The following EPC1 variants were observed in gnomAD, a reference collection of about 807,000 sequenced individuals.
The protein encoded by EPC1 is enhancer of polycomb homolog 1.
In EPC1, 12 loss-of-function variants were observed where a neutral mutation model predicts 98.4. The ratio of observed to expected loss-of-function variants is 0.12; its 90% CI spans 0.08 to 0.20. EPC1 has a LOEUF of 0.20. EPC1 is among the 10% of genes least tolerant of loss of function. EPC1 has a pLI of 1.00. For missense variants in EPC1, 729 were observed against 990.5 expected (o/e 0.74, Z 3.54); for synonymous variants, 357 against 363.9 (o/e 0.98, Z 0.21).
At chr10:32,366,458 A>G (rs1839607023) in intron 1 of EPC1, among the ~76,000 whole-genome samples, 1 of 152,194 alleles carries the variant, frequency 6.6e-6, no homozygotes, top group Admixed American at 6.5e-5. Flanking sequence ...TTTTTCATGA[A>G]GTTACCTTAC....
chr10:32,357,223 A>C (rs955431114), intron 1 of EPC1, among the ~76,000 whole-genome samples: 3 of 152,144 alleles, frequency 2.0e-5, no homozygotes, highest in Non-Finnish European at 2.9e-5. Flanking sequence ...GAAACCAAAG[A>C]CCTACATGAC....
At chr10:32,354,835 A>T (rs1210520695) in intron 1 of EPC1, among the ~76,000 whole-genome samples, 1 of 152,066 alleles carries the variant, frequency 6.6e-6, no homozygotes, top group Non-Finnish European at 1.5e-5. Flanking sequence ...CTCAAGCCTT[A>T]TTCTGAGCTG....
At chr10:32,290,328 CAA>C (rs915992444) in intron 6 of EPC1, among the ~76,000 whole-genome samples, 1 of 151,408 alleles carries the variant, frequency 6.6e-6, no homozygotes, top group Non-Finnish European at 1.5e-5. Flanking sequence ...ACTAAAAATA[CAA>C]AAATTAGCCC....
chr10:32,346,087 G>T (rs558988637), intron 1 of EPC1, among the ~76,000 whole-genome samples: 1 of 152,232 alleles, frequency 6.6e-6, no homozygotes. Context: ...GACACTGAAA[G>T]TAAGTCTTAT....
At position 32,273,294 on chromosome 10, in the gene EPC1, TAAAG is replaced by T. The variant is rs755616855; in HGVS notation, c.1745-17_1745-14del. 2 of 1,612,824 alleles carry T rather than the reference TAAAG, an allele frequency of 1.2e-6. No homozygotes were observed. Among genetic ancestry groups the T allele is most frequent in the Admixed American group, 1.7e-5 (1 of 59,844 alleles). On this transcript the variant is annotated splice_polypyrimidine_tract_variant and intron_variant, in intron 10 of 13. Transcript: ENST00000319778. ...TCGGCTGTAAATGCTGAACATAAAA[TAAAG>T]AAACACTTTATAAAAATGCCCAGCT...
At chr10:32,337,473 T>C (rs1485126889) in intron 1 of EPC1, among the ~76,000 whole-genome samples, 1 of 152,180 alleles carries the variant, frequency 6.6e-6, no homozygotes, top group Admixed American at 6.5e-5. Flanking sequence ...GCCCTGGTAC[T>C]CTGCTCCAAA....
In EPC1 at chr10:32,286,730, A is replaced by G; in HGVS notation, c.1355T>C (p.Ile452Thr). 4 of 1,614,152 alleles carry G rather than the reference A, an allele frequency of 2.5e-6. No individual in the cohort carries two copies. The highest frequency in any genetic ancestry group is 2.2e-5 in the East Asian group (1 of 44,882). ...CCCAACCCGTCTTCGTGCAAATCCA[A>G]TACACCTTTGGGGTACGGTGAGAGT... ...LTTLTVPQRC[I>T]GFARRRVGRG... Residue 452 changes from isoleucine (I) to threonine (T), a missense_variant, in exon 9 of 14, where the codon ATT (isoleucine) becomes ACT (threonine). Physicochemically the swap from Ile to Thr is moderately conservative, Grantham distance 89. Around this residue, in one of 6 missense-constraint regions of EPC1, gnomAD observed 390 missense variants for 438.6 expected, o/e 0.89. Coordinates refer to ENST00000319778, the MANE Select transcript of EPC1 (RefSeq NM_001272004.3).
rs531018196 is a variant in EPC1 at position 32,347,013 on chromosome 10, C to A, written c.-98G>T. ...TCGGTCCCCACTCGCCAACCGCTGC[C>A]GGGGACTTGAGGGGCGGAGCGCAGA... is the stretch of plus-strand genomic sequence containing the variant. On this transcript the variant is annotated 5_prime_UTR_variant, in exon 1 of 14. Transcript: ENST00000319778. The A allele has an allele frequency of 1.3e-6, 2 of 1,529,086 alleles. No homozygotes were observed. Among genetic ancestry groups the A allele is most frequent in the South Asian group, 1.2e-5 (1 of 81,044 alleles). 94.7% of individuals were successfully genotyped at this position (1,529,086 alleles called of 1,614,324 possible).
intron 5 of EPC1, chr10:32,291,977 T>G (rs1445813690): frequency 6.6e-6 from 1 of 152,166 alleles, no homozygotes; most frequent in Non-Finnish European, 1.5e-5. Flanking sequence ...TTCTGCTAAT[T>G]AGAATTGCCT....
At chr10:32,323,541 G>C (rs147260324) in intron 1 of EPC1, among the ~76,000 whole-genome samples, 1 of 152,146 alleles carries the variant, frequency 6.6e-6, no homozygotes, top group Non-Finnish European at 1.5e-5. Context: ...AAATAGGAAG[G>C]TATCTAAGTA....
At chr10:32,370,523 T>C (rs60465478) in intron 1 of EPC1, among the ~76,000 whole-genome samples, 7,528 of 152,252 alleles carry the variant, frequency 0.049, 625 homozygotes, top group African/African-American at 0.17. Context: ...GGGTAGGGCA[T>C]AGACATTTTG....
Position 32,346,965 on chromosome 10 carries a change from C to T in EPC1, c.-50G>A, listed in dbSNP as rs1838877145. 1 of 1,601,152 alleles carries T rather than the reference C, an allele frequency of 6.2e-7. No homozygotes were observed. The highest frequency in any genetic ancestry group is 1.3e-5 in the African/African-American group (1 of 74,816). On this transcript the variant is annotated 5_prime_UTR_variant, in exon 1 of 14. Transcript: ENST00000319778. ...GCTCTGGGGAAACGGCCCCGGCCAG[C>T]GGGATCATGGAGAACCGGGGGTTCG...
At chr10:32,301,663 A>G (rs924152372) in intron 2 of EPC1, among the ~76,000 whole-genome samples, 1 of 152,252 alleles carries the variant, frequency 6.6e-6, no homozygotes, top group Middle Eastern at 3.2e-3. Flanking sequence ...AGGAAGCAAA[A>G]GCAATTCAAT....
At chr10:32,320,968 T>C (rs967702837) in intron 1 of EPC1, among the ~76,000 whole-genome samples, 10 of 152,196 alleles carry the variant, frequency 6.6e-5, no homozygotes, top group Non-Finnish European at 5.9e-5. Flanking sequence ...CTCCACAATA[T>C]ATGTCATCAA....
At chr10:32,297,282 CTTTTT>C (rs555311885) in intron 2 of EPC1, among the ~76,000 whole-genome samples, 2 of 135,352 alleles carry the variant, frequency 1.5e-5, no homozygotes, top group Non-Finnish European at 3.1e-5. Context: ...GTTAATAATT[CTTTTT>C]TTTTTTTTTT....
intron 13 of EPC1, among the ~76,000 whole-genome samples, chr10:32,270,821 CAAAAAAAAAAAAAAA>C (rs55931034): frequency 6.9e-5 from 4 of 57,934 alleles, no homozygotes; most frequent in South Asian, 1.2e-3. Flanking sequence ...GACTCGGTCT[CAAAAAAAAAAAAAAA>C]AAAAAAAAAA....
At chr10:32,348,916 T>A (rs1384375443), upstream of EPC1, among the ~76,000 whole-genome samples, 1 of 152,162 alleles carries the variant, frequency 6.6e-6, no homozygotes, top group Non-Finnish European at 1.5e-5. Flanking sequence ...AGAGATGATA[T>A]CTGAGTAAAA....
chr10:32,315,778 C>T (rs1175232886), intron 1 of EPC1, among the ~76,000 whole-genome samples: 5 of 152,212 alleles, frequency 3.3e-5, no homozygotes, highest in African/African-American at 9.6e-5. Flanking sequence ...TTCCCTGACT[C>T]GTTATAATCG....
chr10:32,299,656 A>C (rs1266085067), intron 2 of EPC1, among the ~76,000 whole-genome samples: 2 of 152,134 alleles, frequency 1.3e-5, no homozygotes, highest in Non-Finnish European at 2.9e-5. Context: ...AGGTTATTGC[A>C]AAGTAAACTT....
Sources: gnomAD v4.1 joint callset for allele counts (sites outside exome capture counted in the v4.1 genomes callset) on GRCh38, gnomAD v4.1.1 for gene constraint, gnomAD v4.1.1 regional missense constraint, MANE v1.5 for transcripts, NCBI Gene and HGNC (gene_info 2026-07-23, HGNC 2026-07-21) for gene names.